The following ITPRID2 variants were observed in gnomAD, a reference collection of about 807,000 sequenced individuals.
ITPRID2 encodes the protein ITPR interacting domain containing 2.
In ITPRID2, 60 loss-of-function variants were observed where a neutral mutation model predicts 124.3. The ratio of observed to expected loss-of-function variants is 0.48; its 90% CI spans 0.39 to 0.60. ITPRID2 has a LOEUF of 0.60. Among genes scored for constraint, ITPRID2 ranks in the 20% least tolerant of loss-of-function variants. The pLI, the probability that ITPRID2 is intolerant of heterozygous loss-of-function variation, is 0.00. For synonymous variants in ITPRID2, 521 were observed against 542.9 expected, an observed-to-expected ratio of 0.96 and a Z score of 0.56; for missense variants, 1,553 against 1,512.2, an observed-to-expected ratio of 1.03 and a Z score of -0.45.
intron 10 of ITPRID2, among the ~76,000 whole-genome samples, chr2:181,914,544 A>G (rs1256855466): frequency 3.3e-5 from 5 of 152,240 alleles, no homozygotes; most frequent in Non-Finnish European, 7.3e-5. Context: ...ATGTAAGTTC[A>G]CTGAGAAAGA....
rs762701393 is a variant in ITPRID2 at position 181,915,718 on chromosome 2, C to A, written c.2078C>A (p.Thr693Lys). Residue 693 changes from threonine to lysine, a missense_variant, in exon 11 of 18, where the codon ACA becomes AAA. Coordinates refer to ENST00000431877, the MANE Select transcript of ITPRID2 (RefSeq NM_001130445.3). The stretch of plus-strand genomic sequence containing the variant: ...CCCTCTTCCATGGACAGAGTTAATA[C>A]AGCTTTGCAAAGAGCTCAAATGAAG... ...GPPSSMDRVN[T>K]ALQRAQMKVC... is the part of the protein sequence containing the mutation. 4.3e-6 allele frequency: 7 copies of A among 1,614,070 alleles called. No individual in the cohort carries two copies. The South Asian group carries it at 6.6e-5, about 15-fold the overall frequency.
rs374556376 is a variant in ITPRID2, at chr2:181,910,892, C to G, written c.1486+921C>G. Among the ~76,000 whole-genome samples the G allele has an allele frequency of 1.3e-4, 20 of 152,118 alleles. No homozygotes were observed. The East Asian group carries it at 1.3e-3, about 10-fold the overall frequency. ...GAACTTTACTATTTAATTTTCTTCCCCTTGTAAGTTCATAAATTTATGTAT... is the reference window on the plus strand; with the variant it reads ...GAACTTTACTATTTAATTTTCTTCCGCTTGTAAGTTCATAAATTTATGTAT... On this transcript the variant is annotated intron_variant, in intron 9 of 17. Coordinates refer to ENST00000431877, the MANE Select transcript of ITPRID2 (RefSeq NM_001130445.3). The surrounding 1 kb of genome is among the most constrained non-coding windows in gnomAD (Gnocchi z 4.1).
rs199498059 is a variant in ITPRID2, at chr2:181,915,937, G to A, written c.2297G>A (p.Cys766Tyr). 7 of 1,614,084 alleles carry A rather than the reference G, an allele frequency of 4.3e-6. No homozygotes were observed. Among genetic ancestry groups the A allele is most frequent in the South Asian group, 1.1e-5 (1 of 91,086 alleles). ...TTATCTCCAGGAAAAGAGACCAGAT[G>A]CAGCCCACCTTCCTTCACCTATAAG... Reference protein sequence around the residue: ...VRLSPGKETRCSPPSFTYKYT... With the variant: ...VRLSPGKETRYSPPSFTYKYT... The change falls in exon 11 of 18, where the codon TGC (cysteine) becomes TAC (tyrosine). Residue 766 changes from cysteine to tyrosine, a missense_variant. Physicochemically the swap from Cys to Tyr is radical, Grantham distance 194. Transcript: ENST00000431877.
chr2:181,923,096 C>G (rs530467671), intron 16 of ITPRID2, among the ~76,000 whole-genome samples: 1 of 152,000 alleles, frequency 6.6e-6, no homozygotes, highest in Non-Finnish European at 1.5e-5. Context: ...GAAGAATTAC[C>G]ATAGTTATGG....
rs1054164832 is a variant in ITPRID2, at chr2:181,930,064, C to T, written c.*517C>T. On this transcript the variant is annotated 3_prime_UTR_variant, in exon 18 of 18. Transcript: ENST00000431877. ...GTAAAAAATATAATTGCTCTTAATT[C>T]TTGGGGAGGTTACTAATAGCAGTAG... 6.5e-6 allele frequency: 1 copy of T among 153,286 alleles called. No individual in the cohort carries two copies. The highest frequency in any genetic ancestry group is 2.4e-5 in the African/African-American group (1 of 41,440). The allele number at this position is 153,286 out of a possible 1,614,324, so 9.5% of individuals were successfully genotyped here.
chr2:181,909,888 C>G lies in ITPRID2; in HGVS notation c.1414-11C>G. Reference sequence around the variant, plus strand: ...TTCATTTGGTTTTAACTACTTAAAACTCTTCTTAAGGTTCAAAGTACGGAG... The same window carrying G: ...TTCATTTGGTTTTAACTACTTAAAAGTCTTCTTAAGGTTCAAAGTACGGAG... On this transcript the variant is annotated splice_polypyrimidine_tract_variant and intron_variant, in intron 8 of 17. Coordinates refer to ENST00000431877, the MANE Select transcript of ITPRID2 (RefSeq NM_001130445.3). The G allele has an allele frequency of 6.2e-7, 1 of 1,610,648 alleles. No individual in the cohort carries two copies. Among genetic ancestry groups the G allele is most frequent in the Non-Finnish European group, 8.5e-7 (1 of 1,177,404 alleles).
intron 7 of ITPRID2, among the ~76,000 whole-genome samples, chr2:181,901,369 T>C (rs1692652148): frequency 6.6e-6 from 1 of 152,174 alleles, no homozygotes; most frequent in Admixed American, 6.5e-5. Context: ...GATCAATAAA[T>C]CCCTCACCCT....
chr2:181,915,199 C>A lies in ITPRID2; in HGVS notation c.1576-17C>A, dbSNP rs554610424. 6.9e-6 allele frequency: 11 copies of A among 1,603,134 alleles called. No homozygotes were observed. In the South Asian group the frequency reaches 1.2e-4, roughly 18 times the overall value. On this transcript the variant is annotated splice_polypyrimidine_tract_variant and intron_variant, in intron 10 of 17. Transcript: ENST00000431877. ...TTACATATATTCTTCATCTTTCCAC[C>A]TATTTTCTTTTCACAGGTTCAGGAG...
At chr2:181,893,774 G>A (rs1309037987) in intron 2 of ITPRID2, 1 of 152,134 alleles carries the variant, frequency 6.6e-6, no homozygotes, top group Admixed American at 6.5e-5. Context: ...TTTCAGATAA[G>A]CCTTAGATAT....
intron 8 of ITPRID2, among the ~76,000 whole-genome samples, chr2:181,906,575 AC>A (rs1327003341): frequency 3.3e-5 from 5 of 151,968 alleles, no homozygotes. Flanking sequence ...ACTTGTCTCT[AC>A]AAATAGTTTT....
intron 10 of ITPRID2, among the ~76,000 whole-genome samples, chr2:181,914,950 A>G (rs1465911848): frequency 6.6e-6 from 1 of 152,174 alleles, no homozygotes; most frequent in Non-Finnish European, 1.5e-5. Flanking sequence ...TCTATGAGTC[A>G]GTGTGTTGTA....
intron 14 of ITPRID2, 40 bp from the exon 15 acceptor site, chr2:181,920,557 C>G: frequency 2.2e-6 from 3 of 1,358,304 alleles, no homozygotes; most frequent in Non-Finnish European, 3.1e-6. Flanking sequence ...TGTATATATA[C>G]ACACACATAT....
At chr2:181,912,819 T>TA (rs773561849) in intron 9 of ITPRID2, among the ~76,000 whole-genome samples, 35 of 152,194 alleles carry the variant, frequency 2.3e-4, no homozygotes, top group Non-Finnish European at 2.8e-4. Flanking sequence ...TTTACTTATG[T>TA]AAAACATTAT....
At chr2:181,900,516 T>A (rs1692576061) in intron 6 of ITPRID2, among the ~76,000 whole-genome samples, 180 bp from the exon 7 acceptor site, 1 of 152,230 alleles carries the variant, frequency 6.6e-6, no homozygotes, top group Admixed American at 6.5e-5. Context: ...TTATAAGGGC[T>A]ATTTATTCCC....
At chr2:181,899,245 G>C (rs1692464785) in intron 6 of ITPRID2, 133 bp downstream of exon 6, 3 of 640,786 alleles carry the variant, frequency 4.7e-6, no homozygotes, top group Non-Finnish European at 8.0e-6. Flanking sequence ...TCCTGTACCA[G>C]CACAACTGAT....
chr2:181,896,969 G>C lies in ITPRID2; in HGVS notation c.364+5G>C. 2 of 1,610,920 alleles carry C rather than the reference G, an allele frequency of 1.2e-6. No individual in the cohort carries two copies. The highest frequency in any genetic ancestry group is 1.7e-6 in the Non-Finnish European group (2 of 1,177,468). On this transcript the variant is annotated splice_donor_5th_base_variant and intron_variant, in intron 4 of 17. Coordinates refer to ENST00000431877, the MANE Select transcript of ITPRID2 (RefSeq NM_001130445.3). This position sits in a 1 kb window ranked among gnomAD's most constrained non-coding sequence, Gnocchi z 4.3. ...ATTTGTCATTGGGAGCTGAAGGTAT[G>C]TTTGTTTGGAAGAACTGTATTTTTG...
Position 181,892,140 on chromosome 2 carries a change from A to G in ITPRID2, c.74A>G (p.Lys25Arg), listed in dbSNP as rs921158661. ...LEWQVASRRR[K>R]AWAKCRSSWQ... ...TGGCAAGTGGCGAGTCGCAGGAGGA[A>G]GGCCTGGGCCAAGTGCCGCAGCTCC... Residue 25 changes from lysine to arginine, a missense_variant, in exon 1 of 18, where the codon AAG becomes AGG. Lys to Arg is a conservative substitution (Grantham distance 26). Transcript: ENST00000431877. This position sits in a 1 kb window ranked among gnomAD's most constrained non-coding sequence, Gnocchi z 5.2. The G allele has an allele frequency of 1.3e-6, 2 of 1,558,598 alleles. No homozygotes were observed. Among genetic ancestry groups the G allele is most frequent in the Admixed American group, 3.9e-5 (2 of 51,944 alleles).
In ITPRID2 at chr2:181,892,713, C is replaced by T. The variant is rs755336406; in HGVS notation, c.257+53C>T. 8 of 1,608,764 alleles carry T rather than the reference C, an allele frequency of 5.0e-6. No individual in the cohort carries two copies. The Admixed American group carries it at 8.3e-5, about 17-fold the overall frequency. ...CCGGGGGAGATCCGTGCGGACGGGA[C>T]GCCGGAGCAGAGCCACTCGGGCCGC... On this transcript the variant is annotated intron_variant, in intron 2 of 17. Transcript: ENST00000431877. This position sits in a 1 kb window ranked among gnomAD's most constrained non-coding sequence, Gnocchi z 5.2.
In ITPRID2 at chr2:181,920,644, A is replaced by G. The variant is rs895020728; in HGVS notation, c.3192A>G (p.Pro1064=). The change falls in exon 15 of 18, where the codon CCA becomes CCG. Residue 1064 remains proline (P), a synonymous_variant. Coordinates refer to ENST00000431877, the MANE Select transcript of ITPRID2 (RefSeq NM_001130445.3). ...CTGATAACTTGTCATGCCCTTCTCC[A>G]TTGAATGTAATGGAACCAGTAAGCT... The part of the protein sequence containing the change: ...RSADNLSCPS[P]LNVMEPVTEL... The G allele has an allele frequency of 6.2e-7, 1 of 1,613,268 alleles. No homozygotes were observed. Among genetic ancestry groups the G allele is most frequent in the East Asian group, 2.2e-5 (1 of 44,834 alleles).
Sources: allele counts gnomAD v4.1 joint callset (sites outside exome capture counted in the v4.1 genomes callset), GRCh38; gene constraint gnomAD v4.1.1; non-coding constraint Gnocchi (gnomAD v3.1); transcripts MANE v1.5; gene names NCBI Gene and HGNC (gene_info 2026-07-23, HGNC 2026-07-21).